Variants in DENND4A observed in about 807,000 individuals in gnomAD.
DENND4A encodes C-myc promoter-binding protein.
Under a neutral mutation model 199.3 loss-of-function variants are expected in DENND4A, and 70 were observed. The observed-to-expected ratio is 0.35, with a 90% CI of 0.29 to 0.43. DENND4A has a LOEUF of 0.43. DENND4A is among the 20% of genes least tolerant of loss of function. The pLI is 1.00. For missense variants in DENND4A, 1,723 were observed against 2,255.8 expected, an observed-to-expected ratio of 0.76 and a Z score of 4.78; for synonymous variants, 686 against 766.9, an observed-to-expected ratio of 0.89 and a Z score of 1.74.
At chr15:65,709,733 T>TATATATATAG in intron 14 of DENND4A, among the ~76,000 whole-genome samples, 1 of 136,692 alleles carries the variant, frequency 7.3e-6, no homozygotes, top group Non-Finnish European at 1.6e-5. Flanking sequence ...TATATATATA[T>TATATATATAG]ATATATATAA....
At chr15:65,755,578 C>A (rs1267048558) in intron 3 of DENND4A, among the ~76,000 whole-genome samples, 1 of 151,968 alleles carries the variant, frequency 6.6e-6, no homozygotes, top group Admixed American at 6.6e-5. Context: ...CTAGCCTGGG[C>A]AACATAGCAA....
chr15:65,757,635 T>C (rs979550070), intron 2 of DENND4A, among the ~76,000 whole-genome samples: 1 of 152,134 alleles, frequency 6.6e-6, no homozygotes, highest in Non-Finnish European at 1.5e-5. Flanking sequence ...GGTTTGTACT[T>C]AAACCATATG....
chr15:65,741,275 G>A (rs182554830), intron 5 of DENND4A, among the ~76,000 whole-genome samples: 1 of 151,918 alleles, frequency 6.6e-6, no homozygotes, highest in Non-Finnish European at 1.5e-5. Flanking sequence ...CACTATGTTT[G>A]GTATTTTGAG....
chr15:65,787,413 A>C lies in DENND4A; in HGVS notation c.-102+4597T>G, dbSNP rs186668541. On this transcript the variant is annotated intron_variant, in intron 1 of 32. Coordinates refer to ENST00000443035, the MANE Select transcript of DENND4A (RefSeq NM_001320835.1). ...AGTGAAAATAAAGTATAACACTAGCAGGAAAATTCCCTTGATATCTTTCTA... is the reference window on the plus strand; with the variant it reads ...AGTGAAAATAAAGTATAACACTAGCCGGAAAATTCCCTTGATATCTTTCTA... Among the ~76,000 whole-genome samples, 454 of 152,350 alleles carry C rather than the reference A, an allele frequency of 3.0e-3. 2 individuals are homozygous for C. Among genetic ancestry groups the C allele is most frequent in the Middle Eastern group, 6.8e-3 (2 of 294 alleles).
At position 65,729,649 on chromosome 15, in the gene DENND4A, T is replaced by G. The variant is rs1163332058; in HGVS notation, c.1196A>C (p.Asn399Thr). The G allele has an allele frequency of 6.4e-7, 1 of 1,557,932 alleles. No individual in the cohort carries two copies. The highest frequency in any genetic ancestry group is 1.4e-5 in the African/African-American group (1 of 73,420). The change falls in exon 10 of 33, where the codon AAT (asparagine) becomes ACT (threonine). Residue 399 changes from asparagine (N) to threonine (T), a missense_variant. Physicochemically the swap from Asn to Thr is moderately conservative, Grantham distance 65. This residue lies in a region of DENND4A where 725 missense variants were observed against 952.9 expected (regional missense o/e 0.76). Coordinates refer to ENST00000443035, the MANE Select transcript of DENND4A (RefSeq NM_001320835.1). The stretch of plus-strand genomic sequence containing the variant: ...TGTCACAGCATTTTCAGGGCCTAAA[T>G]TCTGCAGTAGTGTTGAAAACTTGCC... ...SGGKFSTLLQ[N>T]LGPENAVTLL...
At chr15:65,734,924 A>T (rs1463364051) in intron 7 of DENND4A, among the ~76,000 whole-genome samples, 1 of 152,136 alleles carries the variant, frequency 6.6e-6, no homozygotes, top group East Asian at 1.9e-4. Context: ...TCTACAAAAA[A>T]TACAAAAATT....
At chr15:65,678,969 G>A (rs1309400284) in intron 23 of DENND4A, among the ~76,000 whole-genome samples, 4 of 152,190 alleles carry the variant, frequency 2.6e-5, no homozygotes, top group Middle Eastern at 3.4e-3. Flanking sequence ...GGGATTACAA[G>A]ATGAGCCACC....
intron 7 of DENND4A, among the ~76,000 whole-genome samples, chr15:65,734,464 T>G (rs899634520): frequency 7.2e-5 from 11 of 152,146 alleles, no homozygotes; most frequent in African/African-American, 2.4e-4. Flanking sequence ...CTAAGGGAAC[T>G]CAGAGGCTGG....
rs762967101 is a variant in DENND4A, at chr15:65,661,922, G to C, written c.5653C>G (p.His1885Asp). 6.2e-7 allele frequency: 1 copy of C among 1,613,152 alleles called. No homozygotes were observed. Among genetic ancestry groups the C allele is most frequent in the Non-Finnish European group, 8.5e-7 (1 of 1,179,458 alleles). The change falls in exon 33 of 33, where the codon CAC becomes GAC. Residue 1885 changes from histidine to aspartate, a missense_variant. Physicochemically the swap from His to Asp is moderately conservative, Grantham distance 81. Coordinates refer to ENST00000443035, the MANE Select transcript of DENND4A (RefSeq NM_001320835.1). Reference protein sequence around the residue: ...RLTPSQVKSTHNCDRPPSTGV... With the variant: ...RLTPSQVKSTDNCDRPPSTGV... ...GTACTTGGTGGTCTATCACAGTTGT[G>C]TGTACTCTTGACTTGACTAGGTGTG...
At chr15:65,756,507 A>C in intron 2 of DENND4A, 35 bp from the exon 3 acceptor site, 1 of 1,445,094 alleles carries the variant, frequency 6.9e-7, no homozygotes. Flanking sequence ...ACTCCCCTAT[A>C]ATAAGCAAAA....
intron 1 of DENND4A, among the ~76,000 whole-genome samples, chr15:65,778,452 TAAA>T (rs565036538): frequency 8.9e-5 from 8 of 89,630 alleles, no homozygotes; most frequent in Non-Finnish European, 1.7e-4. Context: ...TACAGTGACC[TAAA>T]AAAAAAAAAA....
At chr15:65,678,077 G>A (rs894184701) in intron 23 of DENND4A, among the ~76,000 whole-genome samples, 1 of 151,748 alleles carries the variant, frequency 6.6e-6, no homozygotes, top group African/African-American at 2.4e-5. Flanking sequence ...ACAGGCGCCC[G>A]CCACCATGCC....
intron 1 of DENND4A, among the ~76,000 whole-genome samples, chr15:65,787,395 A>G (rs2077592652): frequency 6.6e-6 from 1 of 152,120 alleles, no homozygotes; most frequent in Non-Finnish European, 1.5e-5. Context: ...CTCAGTGAAA[A>G]TAAAGTATAA....
At position 65,746,072 on chromosome 15, in the gene DENND4A, C is replaced by T. The variant is rs149020667; in HGVS notation, c.562-4288G>A. 3.7e-3 allele frequency among the ~76,000 whole-genome samples: 552 copies of T among 150,554 alleles called. 10 individuals are homozygous for T. In the East Asian group the frequency reaches 0.052, roughly 14 times the overall value. ...AGGAGAATCCCTTGAACCCAGGAGG[C>T]GGAGGTTGCGGTGTGCAGAGATCAT... On this transcript the variant is annotated intron_variant, in intron 4 of 32. Coordinates refer to ENST00000443035, the MANE Select transcript of DENND4A (RefSeq NM_001320835.1).
At chr15:65,672,252 A>G (rs1325232781) in intron 24 of DENND4A, among the ~76,000 whole-genome samples, 3 of 152,198 alleles carry the variant, frequency 2.0e-5, no homozygotes, top group African/African-American at 7.2e-5. Flanking sequence ...TCCAAGGTCT[A>G]AAAAGTATAA....
intron 14 of DENND4A, among the ~76,000 whole-genome samples, chr15:65,712,538 C>T (rs1043850812): frequency 6.6e-6 from 1 of 152,158 alleles, no homozygotes; most frequent in Admixed American, 6.5e-5. Flanking sequence ...GATTAAAGTA[C>T]TTCTGATTCC....
chr15:65,792,235 C>G lies in DENND4A; in HGVS notation c.-327G>C, dbSNP rs2077758048. 3.3e-5 allele frequency: 5 copies of G among 152,476 alleles called. No individual in the cohort carries two copies. The Middle Eastern group carries it at 0.01, about 311-fold the overall frequency. The allele number at this position is 152,476 out of a possible 1,614,324, so 9.4% of individuals were successfully genotyped here. On this transcript the variant is annotated 5_prime_UTR_variant, in exon 1 of 33. Coordinates refer to ENST00000443035, the MANE Select transcript of DENND4A (RefSeq NM_001320835.1). The stretch of plus-strand genomic sequence containing the variant: ...CCTCCCCTCGCGGCCGCCACTGCCT[C>G]CGCCTCTTTCTCCGACTCTAGCCTC...
At chr15:65,772,095 T>C (rs2077147278) in intron 1 of DENND4A, 4 of 974,350 alleles carry the variant, frequency 4.1e-6, no homozygotes, top group Admixed American at 3.7e-5. Context: ...CAGAGCCTCC[T>C]GGACGATGTC....
In DENND4A at chr15:65,738,699, A is replaced by G. The variant is rs1385743164; in HGVS notation, c.801+7T>C. On this transcript the variant is annotated splice_region_variant and intron_variant, in intron 6 of 32. Transcript: ENST00000443035. The stretch of plus-strand genomic sequence containing the variant: ...TTTGTAGATACAATTTGTCAAACAC[A>G]TAATACCTTTTCAGCTGAGGCTCCA... 1.2e-6 allele frequency: 2 copies of G among 1,606,670 alleles called. No homozygotes were observed. The highest frequency in any genetic ancestry group is 1.1e-5 in the South Asian group (1 of 89,272).
Sources: allele counts gnomAD v4.1 joint callset (sites outside exome capture counted in the v4.1 genomes callset), GRCh38; gene constraint gnomAD v4.1.1; regional missense constraint gnomAD v4.1.1; transcripts MANE v1.5; gene names NCBI Gene and HGNC (gene_info 2026-07-23, HGNC 2026-07-21).